The following IARS1 variants were observed in gnomAD, a reference collection of about 807,000 sequenced individuals.
IARS1 encodes isoleucine--tRNA ligase, cytoplasmic.
A neutral mutation model predicts 168.2 loss-of-function variants in IARS1; 124 were observed. That is an observed-to-expected ratio of 0.74 (90% CI 0.64 to 0.86). IARS1 has a LOEUF of 0.86. IARS1 is among the 40% of genes least tolerant of loss of function. IARS1 has a pLI of 0.00. For synonymous variants in IARS1, 532 were observed against 529.4 expected (o/e 1.00, Z -0.07); for missense variants, 1,452 against 1,515.8 (o/e 0.96, Z 0.70).
intron 33 of IARS1, among the ~76,000 whole-genome samples, chr9:92,211,488 C>A (rs1837760141): frequency 6.6e-6 from 1 of 152,064 alleles, no homozygotes; most frequent in African/African-American, 2.4e-5. Context: ...TAGGAAAATC[C>A]CTGGAACTTG....
rs556139574 is a variant in IARS1, at chr9:92,230,364, C to T, written c.3284-1238G>A. Among the ~76,000 whole-genome samples, 95 of 152,206 alleles carry T rather than the reference C, an allele frequency of 6.2e-4. 1 individual carries two copies. The highest frequency in any genetic ancestry group is 2.2e-3 in the African/African-American group (92 of 41,518). ...CTGACCTCAGGTGATCTGCCTGCCT[C>T]GGCTTCCCAAAGTGCTGGGATTACA... On this transcript the variant is annotated intron_variant, in intron 30 of 33. Transcript: ENST00000443024.
At chr9:92,245,594 G>A (rs770109229) in intron 26 of IARS1, among the ~76,000 whole-genome samples, 1 of 152,132 alleles carries the variant, frequency 6.6e-6, no homozygotes, top group Non-Finnish European at 1.5e-5. Flanking sequence ...CACCCCCGCT[G>A]ATAGGGAGGC....
intron 30 of IARS1, among the ~76,000 whole-genome samples, chr9:92,233,666 T>C (rs1003011515): frequency 6.6e-6 from 1 of 152,268 alleles, no homozygotes; most frequent in African/African-American, 2.4e-5. Context: ...TTCTAATCCA[T>C]ACACGTCTCT....
At chr9:92,270,499 A>C (rs954688341) in intron 12 of IARS1, among the ~76,000 whole-genome samples, 36 of 152,210 alleles carry the variant, frequency 2.4e-4, no homozygotes, top group Admixed American at 2.4e-3. Context: ...TTAGCCATTC[A>C]TAAAACTCTC....
In IARS1 at chr9:92,229,120, A is replaced by C; in HGVS notation, c.3290T>G (p.Val1097Gly). The C allele has an allele frequency of 6.2e-6, 10 of 1,612,266 alleles. No homozygotes were observed. Among genetic ancestry groups the C allele is most frequent in the Non-Finnish European group, 8.5e-6 (10 of 1,179,298 alleles). ...ACCTTTTGGATTTTCCAGGAGCAAT[A>C]CTCCACCTAAAAAGCCACAAAAATA... ...ICANGSEQGGVLLLENPKGDN... is the reference protein window; with the variant it reads ...ICANGSEQGGGLLLENPKGDN... The change falls in exon 31 of 34, where the codon GTA becomes GGA. Residue 1097 changes from valine to glycine, a missense_variant. Val to Gly is a moderately radical substitution (Grantham distance 109, BLOSUM62 -3). Coordinates refer to ENST00000443024, the MANE Select transcript of IARS1 (RefSeq NM_002161.6).
intron 33 of IARS1, among the ~76,000 whole-genome samples, chr9:92,219,922 A>G (rs1564154831): frequency 6.6e-6 from 1 of 152,084 alleles, no homozygotes; most frequent in Admixed American, 6.5e-5. Flanking sequence ...TACTGGGTAC[A>G]TACCCAAAGG....
intron 6 of IARS1, 29 bp downstream of exon 6, chr9:92,285,693 G>T (rs956879037): frequency 7.3e-7 from 1 of 1,378,720 alleles, no homozygotes; most frequent in Non-Finnish European, 1.0e-6. Context: ...AAAACTCAAT[G>T]CTGAATAATG....
At chr9:92,229,667 T>C (rs1223750982) in intron 30 of IARS1, among the ~76,000 whole-genome samples, 1 of 152,330 alleles carries the variant, frequency 6.6e-6, no homozygotes, top group East Asian at 1.9e-4. Flanking sequence ...GAGTTAATTG[T>C]AGAGCCAAAT....
intron 26 of IARS1, 128 bp from the exon 27 acceptor site, chr9:92,245,199 T>C (rs899403069): frequency 1.4e-5 from 10 of 710,048 alleles, no homozygotes; most frequent in Non-Finnish European, 2.2e-5. Flanking sequence ...CAAGAGATCA[T>C]TTCCCTCTGA....
Position 92,285,819 on chromosome 9 carries a change from T to G in IARS1, c.500A>C (p.Tyr167Ser), listed in dbSNP as rs780810676. Residue 167 changes from tyrosine (Y) to serine (S), a missense_variant, in exon 6 of 34, where the codon TAT becomes TCT. Transcript: ENST00000443024. ...ACCTCTATAAACAAGGCCTTTATCATAGAGTTGTTTGAAGACCCACCTGGT... is the reference window on the plus strand; with the variant it reads ...ACCTCTATAAACAAGGCCTTTATCAGAGAGTTGTTTGAAGACCCACCTGGT... ...ESVWWVFKQL[Y>S]DKGLVYRGVK... The G allele has an allele frequency of 6.2e-7, 1 of 1,608,006 alleles. No individual in the cohort carries two copies. The highest frequency in any genetic ancestry group is 8.5e-7 in the Non-Finnish European group (1 of 1,175,008).
chr9:92,291,729 T>C (rs529396840), intron 1 of IARS1, among the ~76,000 whole-genome samples: 1 of 152,358 alleles, frequency 6.6e-6, no homozygotes, highest in South Asian at 2.1e-4. Context: ...GGGATTGTTA[T>C]CTGAAGACTA....
rs546556886 is a variant in IARS1, at chr9:92,271,439, A to G, written c.1113+94T>C. On this transcript the variant is annotated intron_variant, in intron 11 of 33. Coordinates refer to ENST00000443024, the MANE Select transcript of IARS1 (RefSeq NM_002161.6). ...CATGCGATGACAAAACCAAATAAAA[A>G]CAACTTCCTAGAAGAATTACAATAC... 9.4e-5 allele frequency: 143 copies of G among 1,516,488 alleles called. 1 individual carries two copies. The African/African-American group carries it at 1.6e-3, about 17-fold the overall frequency. 93.9% of individuals were successfully genotyped at this position (1,516,488 alleles called of 1,614,324 possible).
rs558490557 is a variant in IARS1 at position 92,254,483 on chromosome 9, T to C, written c.2138-1030A>G. Among the ~76,000 whole-genome samples, 22 of 152,358 alleles carry C rather than the reference T, an allele frequency of 1.4e-4. 1 individual carries two copies. Among genetic ancestry groups the C allele is most frequent in the Middle Eastern group, 6.8e-3 (2 of 294 alleles). ...GACGAGAAGTTGCAACCGGCAGAGC[T>C]GCTCTCTGCTGCTTTTCACAAAGAC... On this transcript the variant is annotated intron_variant, in intron 20 of 33. Transcript: ENST00000443024.
At chr9:92,234,325 T>C (rs928317000) in intron 30 of IARS1, among the ~76,000 whole-genome samples, 2 of 152,238 alleles carry the variant, frequency 1.3e-5, no homozygotes, top group Admixed American at 6.5e-5. Flanking sequence ...ATGATTTGTA[T>C]GGTTTTTTCC....
chr9:92,212,282 GA>G (rs1455297470), intron 33 of IARS1, among the ~76,000 whole-genome samples: 1 of 152,136 alleles, frequency 6.6e-6, no homozygotes, highest in Non-Finnish European at 1.5e-5. Flanking sequence ...AATTCTGAGA[GA>G]AAAGGCATAA....
chr9:92,287,047 A>G (rs551055675), intron 4 of IARS1, among the ~76,000 whole-genome samples: 1 of 152,376 alleles, frequency 6.6e-6, no homozygotes, highest in East Asian at 1.9e-4. Context: ...CAGCACTTTA[A>G]CCAAGTGAAC....
intron 33 of IARS1, among the ~76,000 whole-genome samples, chr9:92,220,436 C>T (rs927133216): frequency 2.0e-4 from 31 of 151,680 alleles, no homozygotes; most frequent in African/African-American, 7.5e-4. Flanking sequence ...AAATAATAAT[C>T]ATAAAAAAAT....
chr9:92,281,485 C>T (rs1403830930), intron 6 of IARS1, among the ~76,000 whole-genome samples: 1 of 151,916 alleles, frequency 6.6e-6, no homozygotes, highest in Non-Finnish European at 1.5e-5. Flanking sequence ...ATGGAGGTTT[C>T]AGTATTATGA....
At chr9:92,249,178 T>C (rs955359883) in intron 25 of IARS1, among the ~76,000 whole-genome samples, 1 of 152,222 alleles carries the variant, frequency 6.6e-6, no homozygotes, top group Non-Finnish European at 1.5e-5. Flanking sequence ...CCCTATGCTA[T>C]TGCTTCGACT....
Sources: gnomAD v4.1 joint callset for allele counts (sites outside exome capture counted in the v4.1 genomes callset) on GRCh38, gnomAD v4.1.1 for gene constraint, MANE v1.5 for transcripts, NCBI Gene and HGNC (gene_info 2026-07-23, HGNC 2026-07-21) for gene names.